DGKG: variants seen among roughly 807,000 people sequenced by gnomAD.
DGKG encodes the protein diacylglycerol kinase gamma.
DGKG carries 78 observed loss-of-function variants against 105.3 expected under a neutral mutation model. The observed-to-expected ratio is 0.74, with a 90% CI of 0.62 to 0.89. DGKG has a LOEUF of 0.89. Ranked by LOEUF, DGKG falls within the 40% of genes least tolerant of loss-of-function variation. DGKG has a pLI of 0.00. For synonymous variants in DGKG, 346 were observed against 367.1 expected, an observed-to-expected ratio of 0.94 and a Z score of 0.66; for missense variants, 958 against 1,020.1, an observed-to-expected ratio of 0.94 and a Z score of 0.83.
In DGKG at chr3:186,148,202, C is replaced by A; in HGVS notation, c.*1888G>T. 1.0e-6 allele frequency: 1 copy of A among 985,464 alleles called. No individual in the cohort carries two copies. Among genetic ancestry groups the A allele is most frequent in the South Asian group, 4.7e-5 (1 of 21,282 alleles). The allele number at this position is 985,464 out of a possible 1,614,324, so 61.0% of individuals were successfully genotyped here. On this transcript the variant is annotated 3_prime_UTR_variant, in exon 25 of 25. Coordinates refer to ENST00000265022, the MANE Select transcript of DGKG (RefSeq NM_001346.3). The stretch of plus-strand genomic sequence containing the variant: ...GAAAGGATGGTAATGCTGGCACTTG[C>A]TGAATGAAGCCCACTGAGCTCTGCT...
chr3:186,253,510 T>C (rs1347872525), intron 17 of DGKG, among the ~76,000 whole-genome samples: 2 of 152,246 alleles, frequency 1.3e-5, no homozygotes, highest in African/African-American at 2.4e-5. Context: ...TGCATGTTTT[T>C]AATCCTTAAT....
chr3:186,305,917 C>T (rs1387824322), intron 3 of DGKG, among the ~76,000 whole-genome samples: 1 of 152,088 alleles, frequency 6.6e-6, no homozygotes, highest in Admixed American at 6.5e-5. Context: ...AGATTAAGGA[C>T]ACATCAGTTT....
chr3:186,171,302 G>A (rs889447098), intron 22 of DGKG, among the ~76,000 whole-genome samples: 2 of 152,182 alleles, frequency 1.3e-5, no homozygotes, highest in Admixed American at 6.6e-5. Flanking sequence ...TAATATAGAT[G>A]CTTTAGAGCC....
At chr3:186,244,662 C>T (rs984627292) in intron 19 of DGKG, among the ~76,000 whole-genome samples, 1 of 152,152 alleles carries the variant, frequency 6.6e-6, no homozygotes, top group Non-Finnish European at 1.5e-5. Context: ...CCAACTTGGC[C>T]TCCCAAAGTG....
chr3:186,294,203 T>A (rs149259545), intron 5 of DGKG, among the ~76,000 whole-genome samples: 3 of 152,200 alleles, frequency 2.0e-5, no homozygotes, highest in African/African-American at 7.2e-5. Flanking sequence ...GATCATCTTT[T>A]CTCAAATATC....
intron 20 of DGKG, 82 bp from the exon 21 acceptor site, chr3:186,211,967 G>A (rs1419974975): frequency 7.2e-6 from 8 of 1,108,020 alleles, no homozygotes; most frequent in African/African-American, 1.5e-5. Context: ...TGGATTGGGA[G>A]GCCCAAGCCT....
intron 24 of DGKG, chr3:186,158,479 T>G (rs1028612094): frequency 1.5e-4 from 148 of 967,066 alleles, no homozygotes; most frequent in Non-Finnish European, 1.8e-4. Context: ...TCACTTAATC[T>G]TCTATTAGTA....
intron 3 of DGKG, among the ~76,000 whole-genome samples, chr3:186,304,980 A>C (rs554094367): frequency 6.6e-6 from 1 of 152,332 alleles, no homozygotes; most frequent in African/African-American, 2.4e-5. Context: ...ATAGAAGCCC[A>C]AGAAATGTTA....
intron 7 of DGKG, 151 bp from the exon 8 acceptor site, chr3:186,280,895 A>C: frequency 1.6e-6 from 1 of 638,998 alleles, no homozygotes; most frequent in South Asian, 1.9e-5. Flanking sequence ...TGAGGAGCTC[A>C]GTTTATTTCT....
chr3:186,290,630 C>G (rs561776090), intron 5 of DGKG, among the ~76,000 whole-genome samples: 59 of 152,300 alleles, frequency 3.9e-4, no homozygotes, highest in African/African-American at 1.3e-3. Flanking sequence ...GAAAGAGCTT[C>G]TAGGCCGCAG....
At chr3:186,161,939 G>C (rs1329411529) in intron 23 of DGKG, among the ~76,000 whole-genome samples, 1 of 152,150 alleles carries the variant, frequency 6.6e-6, no homozygotes, top group East Asian at 1.9e-4. Context: ...TTGTTGCCCA[G>C]GCTGGAGTGC....
intron 4 of DGKG, 109 bp from the exon 5 acceptor site, chr3:186,297,592 T>C (rs1026183164): frequency 3.8e-6 from 3 of 784,200 alleles, no homozygotes; most frequent in Non-Finnish European, 6.6e-6. Context: ...TGTGTCTGTG[T>C]CTCGGGGTTA....
At position 186,298,168 on chromosome 3, in the gene DGKG, TG is replaced by T; in HGVS notation, c.205del (p.Gln69SerfsTer3). 6.2e-7 allele frequency: 1 copy of T among 1,614,030 alleles called. No homozygotes were observed. Among genetic ancestry groups the T allele is most frequent in the Non-Finnish European group, 8.5e-7 (1 of 1,179,974 alleles). ...MRAYLEVDLP[Q>X]PLSTHLFLAF... is the part of the protein sequence containing the mutation. Reference sequence around the variant, plus strand: ...CAGGAAGAGGTGAGTGCTCAGTGGCTGGGGAAGGTCCACCTCCAGGTACGCC... The same window carrying T: ...CAGGAAGAGGTGAGTGCTCAGTGGCTGGGAAGGTCCACCTCCAGGTACGCC... On this transcript the variant is annotated frameshift_variant, in exon 4 of 25. Coordinates refer to ENST00000265022, the MANE Select transcript of DGKG (RefSeq NM_001346.3). LOFTEE classifies it high-confidence loss of function.
intron 20 of DGKG, among the ~76,000 whole-genome samples, chr3:186,222,146 T>C (rs1044559098): frequency 1.3e-5 from 2 of 152,228 alleles, no homozygotes; most frequent in Non-Finnish European, 2.9e-5. Flanking sequence ...GCTGATCCTG[T>C]TCTCCCCTCT....
chr3:186,231,161 G>C lies in DGKG; in HGVS notation c.1826+11343C>G, dbSNP rs1248780953. ...TTCACACACTTGAGGCCCATTCCCA[G>C]TACGTTCTCTGTTTCTCTCCAGGAA... On this transcript the variant is annotated intron_variant, in intron 20 of 24. Transcript: ENST00000265022. This position sits in a 1 kb window ranked among gnomAD's most constrained non-coding sequence, Gnocchi z 4.5. Among the ~76,000 whole-genome samples the C allele has an allele frequency of 6.6e-6, 1 of 152,140 alleles. No homozygotes were observed. Among genetic ancestry groups the C allele is most frequent in the African/African-American group, 2.4e-5 (1 of 41,420 alleles).
At chr3:186,310,660 G>A (rs576705161) in intron 2 of DGKG, among the ~76,000 whole-genome samples, 4 of 152,294 alleles carry the variant, frequency 2.6e-5, no homozygotes, top group Non-Finnish European at 5.9e-5. Context: ...GGTGTCATCT[G>A]TGGGTCCAAT....
At chr3:186,247,595 C>T (rs1452231010) in intron 19 of DGKG, among the ~76,000 whole-genome samples, 1 of 152,084 alleles carries the variant, frequency 6.6e-6, no homozygotes, top group Non-Finnish European at 1.5e-5. Flanking sequence ...AATGTCAGCC[C>T]CAGACTCTGT....
chr3:186,246,147 CT>C (rs921317268), intron 19 of DGKG, among the ~76,000 whole-genome samples: 2 of 151,920 alleles, frequency 1.3e-5, no homozygotes, highest in Non-Finnish European at 2.9e-5. Context: ...AATTTTTGTA[CT>C]TTTAGTAGAG....
chr3:186,308,449 G>T (rs190093459), intron 2 of DGKG, among the ~76,000 whole-genome samples: 1 of 152,090 alleles, frequency 6.6e-6, no homozygotes, highest in African/African-American at 2.4e-5. Flanking sequence ...GCCAAAGGAC[G>T]ATGTTATTAA....
Sources: allele counts gnomAD v4.1 joint callset (sites outside exome capture counted in the v4.1 genomes callset), GRCh38; gene constraint gnomAD v4.1.1; non-coding constraint Gnocchi (gnomAD v3.1); transcripts MANE v1.5; gene names NCBI Gene and HGNC (gene_info 2026-07-23, HGNC 2026-07-21).